ARPP19: variants seen among roughly 807,000 people sequenced by gnomAD.
ARPP19 encodes the protein cAMP regulated phosphoprotein 19.
In ARPP19, 8 loss-of-function variants were observed where a neutral mutation model predicts 12.0. That is an observed-to-expected ratio of 0.67 (90% CI 0.39 to 1.21). ARPP19 has a LOEUF of 1.21. Ranked by LOEUF, ARPP19 falls within the 50% of genes most tolerant of loss-of-function variation. ARPP19 has a pLI of 0.01. For synonymous variants in ARPP19, 47 were observed against 50.4 expected, an observed-to-expected ratio of 0.93 and a Z score of 0.29; for missense variants, 102 against 136.3, an observed-to-expected ratio of 0.75 and a Z score of 1.25.
At chr15:52,560,141 A>T (rs2078018600) in intron 1 of ARPP19, among the ~76,000 whole-genome samples, 1 of 152,116 alleles carries the variant, frequency 6.6e-6, no homozygotes, top group Non-Finnish European at 1.5e-5. Flanking sequence ...TATAAAGGAA[A>T]ATACCTTGTA....
chr15:52,563,421 A>G (rs752825215), intron 1 of ARPP19, among the ~76,000 whole-genome samples: 6 of 152,218 alleles, frequency 3.9e-5, no homozygotes, highest in Admixed American at 1.3e-4. Flanking sequence ...AGATACATGT[A>G]TACGATGTAT....
intron 2 of ARPP19, among the ~76,000 whole-genome samples, chr15:52,553,374 T>G (rs2077953576): frequency 6.6e-6 from 1 of 152,104 alleles, no homozygotes; most frequent in African/African-American, 2.4e-5. Context: ...ACCACTAACA[T>G]GCAAATTGTG....
chr15:52,552,112 TA>T lies in ARPP19; in HGVS notation c.169-9del. On this transcript the variant is annotated splice_polypyrimidine_tract_variant and intron_variant, in intron 2 of 2. Coordinates refer to ENST00000249822, the MANE Select transcript of ARPP19 (RefSeq NM_006628.6). The stretch of plus-strand genomic sequence containing the variant: ...AGAATCAAAATATTTTTGCTATAAG[TA>T]AAAACAAAAAAAATTCAGATTAGAG... The T allele has an allele frequency of 6.3e-7, 1 of 1,584,914 alleles. No individual in the cohort carries two copies. Among genetic ancestry groups the T allele is most frequent in the Non-Finnish European group, 8.7e-7 (1 of 1,154,820 alleles).
rs2077989591 is a variant in ARPP19 at position 52,557,209 on chromosome 15, T to A, written c.59A>T (p.Lys20Ile). The A allele has an allele frequency of 1.3e-6, 2 of 1,599,282 alleles. No individual in the cohort carries two copies. Among genetic ancestry groups the A allele is most frequent in the African/African-American group, 2.7e-5 (2 of 74,392 alleles). The change falls in exon 2 of 3, where the codon AAA (lysine) becomes ATA (isoleucine). Residue 20 changes from lysine (K) to isoleucine (I), a missense_variant. Coordinates refer to ENST00000249822, the MANE Select transcript of ARPP19 (RefSeq NM_006628.6). ...TTCTGCTTTCTCTGGACTAGTCACTTTATCTTCCATTTCCTAAAATAATTT... is the reference window on the plus strand; with the variant it reads ...TTCTGCTTTCTCTGGACTAGTCACTATATCTTCCATTTCCTAAAATAATTT... The part of the protein sequence containing the change: ...SAEEQKEMED[K>I]VTSPEKAEEA...
chr15:52,558,015 A>T (rs534979119), intron 1 of ARPP19, among the ~76,000 whole-genome samples: 1 of 152,276 alleles, frequency 6.6e-6, no homozygotes, highest in Non-Finnish European at 1.5e-5. Context: ...TATATCAAAA[A>T]CCTGTTTCCT....
intron 2 of ARPP19, among the ~76,000 whole-genome samples, chr15:52,553,131 A>G (rs1055200560): frequency 3.5e-4 from 53 of 152,206 alleles, no homozygotes; most frequent in African/African-American, 1.3e-3. Context: ...TATTATTTAC[A>G]GTTCCTGGTA....
chr15:52,568,945 C>T lies in ARPP19; in HGVS notation c.-53G>A. The stretch of plus-strand genomic sequence containing the variant: ...GGAAAAGATGCAATTAGCGGGTGGC[C>T]GAGGCCACCCGGCCGCCGCCCGTCC... On this transcript the variant is annotated 5_prime_UTR_variant, in exon 1 of 3. Transcript: ENST00000249822. 7.9e-7 allele frequency: 1 copy of T among 1,273,018 alleles called. No individual in the cohort carries two copies. The highest frequency in any genetic ancestry group is 1.6e-5 in the African/African-American group (1 of 63,900). The allele number at this position is 1,273,018 out of a possible 1,614,324, so 78.9% of individuals were successfully genotyped here.
At chr15:52,558,838 G>C (rs2078006954) in intron 1 of ARPP19, among the ~76,000 whole-genome samples, 1 of 151,352 alleles carries the variant, frequency 6.6e-6, no homozygotes, top group South Asian at 2.1e-4. Flanking sequence ...GTACCCACGG[G>C]GGGGAAAAAA....
rs192076646 is a variant in ARPP19, at chr15:52,550,081, A to T, written c.*1853T>A. On this transcript the variant is annotated 3_prime_UTR_variant, in exon 3 of 3. Transcript: ENST00000249822. ...CTGATGGAACCAGGATTCAGAAAAG[A>T]TGCCTGGATCCAAAAACGGGAGGCT... 6 of 152,648 alleles carry T rather than the reference A, an allele frequency of 3.9e-5. No homozygotes were observed. In the East Asian group the frequency reaches 1.2e-3, roughly 29 times the overall value. 9.5% of individuals were successfully genotyped at this position (152,648 alleles called of 1,614,324 possible).
intron 1 of ARPP19, among the ~76,000 whole-genome samples, chr15:52,566,286 G>C (rs1372587498): frequency 6.6e-6 from 1 of 152,074 alleles, no homozygotes; most frequent in Admixed American, 6.6e-5. Flanking sequence ...AGTCTCCCGA[G>C]TAGCTGGGAT....
At position 52,549,406 on chromosome 15, in the gene ARPP19, T is replaced by C. The variant is rs1282560434; in HGVS notation, c.*2528A>G. On this transcript the variant is annotated 3_prime_UTR_variant, in exon 3 of 3. Coordinates refer to ENST00000249822, the MANE Select transcript of ARPP19 (RefSeq NM_006628.6). ...ACCTCTCTATCCCAAGCACCAATAATGGAGGCTAAGCAATTATACCTACAA... is the reference window on the plus strand; with the variant it reads ...ACCTCTCTATCCCAAGCACCAATAACGGAGGCTAAGCAATTATACCTACAA... 1.3e-5 allele frequency: 2 copies of C among 152,354 alleles called. No homozygotes were observed. Among genetic ancestry groups the C allele is most frequent in the Admixed American group, 6.6e-5 (1 of 15,230 alleles). The allele number at this position is 152,354 out of a possible 1,614,324, so 9.4% of individuals were successfully genotyped here.
At chr15:52,558,568 T>G (rs1014147114) in intron 1 of ARPP19, among the ~76,000 whole-genome samples, 4 of 151,816 alleles carry the variant, frequency 2.6e-5, no homozygotes, top group Non-Finnish European at 5.9e-5. Flanking sequence ...AGTAATGGAC[T>G]CATTTCTGCA....
In ARPP19 at chr15:52,551,197, G is replaced by A. The variant is rs1368536441; in HGVS notation, c.*737C>T. ...AATACAGACATTTGTGAGAGGTTGT[G>A]CAAAACTACTGTATTTACAAAAATG... On this transcript the variant is annotated 3_prime_UTR_variant, in exon 3 of 3. Transcript: ENST00000249822. 1.3e-5 allele frequency: 2 copies of A among 152,692 alleles called. No homozygotes were observed. Among genetic ancestry groups the A allele is most frequent in the Non-Finnish European group, 2.9e-5 (2 of 68,050 alleles). 9.5% of individuals were successfully genotyped at this position (152,692 alleles called of 1,614,324 possible).
intron 1 of ARPP19, chr15:52,557,502 C>A: frequency 3.2e-6 from 1 of 314,118 alleles, no homozygotes; most frequent in South Asian, 4.2e-5. Flanking sequence ...CATTACTTTT[C>A]CAGTCATGTA....
chr15:52,559,165 T>G (rs888050520), intron 1 of ARPP19, among the ~76,000 whole-genome samples: 1 of 152,210 alleles, frequency 6.6e-6, no homozygotes, highest in Non-Finnish European at 1.5e-5. Flanking sequence ...CTCTTTACAG[T>G]GGCCACGTCA....
intron 1 of ARPP19, among the ~76,000 whole-genome samples, chr15:52,566,866 C>G (rs537939438): frequency 2.0e-5 from 3 of 152,330 alleles, no homozygotes; most frequent in Admixed American, 6.5e-5. Flanking sequence ...GGTGCACACA[C>G]CACTCAAGAT....
At chr15:52,557,402 T>A (rs1282530411) in intron 1 of ARPP19, 180 bp from the exon 2 acceptor site, 1 of 569,706 alleles carries the variant, frequency 1.8e-6, no homozygotes, top group Non-Finnish European at 3.1e-6. Context: ...AAGATCCATG[T>A]GATAGCTCTA....
At position 52,551,819 on chromosome 15, in the gene ARPP19, C is replaced by T. The variant is rs892598678; in HGVS notation, c.*115G>A. On this transcript the variant is annotated 3_prime_UTR_variant, in exon 3 of 3. Coordinates refer to ENST00000249822, the MANE Select transcript of ARPP19 (RefSeq NM_006628.6). ...CAATAGCAGCACACACTACTGCTAC[C>T]TGCAAAGCTGTCAGTCTCAAATGAC... The T allele has an allele frequency of 1.7e-5, 14 of 801,092 alleles. No individual in the cohort carries two copies. The highest frequency in any genetic ancestry group is 2.7e-5 in the Non-Finnish European group (13 of 484,098). The allele number at this position is 801,092 out of a possible 1,614,324, so 49.6% of individuals were successfully genotyped here. A position where few individuals can be genotyped will look rare whatever the true frequency, so the allele number is the denominator to read the frequency against.
chr15:52,560,906 C>T (rs1452947195), intron 1 of ARPP19, among the ~76,000 whole-genome samples: 6 of 152,266 alleles, frequency 3.9e-5, no homozygotes, highest in African/African-American at 9.6e-5. Flanking sequence ...GGGAGGCAGA[C>T]GATGGTGGAC....
Sources: gnomAD v4.1 joint callset for allele counts (sites outside exome capture counted in the v4.1 genomes callset) on GRCh38, gnomAD v4.1.1 for gene constraint, MANE v1.5 for transcripts, NCBI Gene and HGNC (gene_info 2026-07-23, HGNC 2026-07-21) for gene names.